Variants in TSC22D1 observed in about 807,000 individuals in gnomAD.
The protein encoded by TSC22D1 is TSC22 domain family protein 1.
TSC22D1 carries 9 observed loss-of-function variants against 74.2 expected under a neutral mutation model. The observed-to-expected ratio is 0.12, with a 90% CI of 0.07 to 0.21. The LOEUF is 0.21. Among genes scored for constraint, TSC22D1 ranks in the 10% least tolerant of loss-of-function variants. The probability of loss-of-function intolerance (pLI) is 1.00; values close to 1 mark genes in which losing one functional copy is unlikely to be tolerated. For synonymous variants in TSC22D1, 586 were observed against 492.5 expected (o/e 1.19, Z -2.51); for missense variants, 1,427 against 1,304.7 (o/e 1.09, Z -1.44).
intron 1 of TSC22D1, among the ~76,000 whole-genome samples, chr13:44,566,591 TAGTAC>T (rs1883389138): frequency 6.6e-6 from 1 of 152,190 alleles, no homozygotes; most frequent in Non-Finnish European, 1.5e-5. Flanking sequence ...TTACATTTAA[TAGTAC>T]AGTATTCTAC....
intron 1 of TSC22D1, among the ~76,000 whole-genome samples, chr13:44,512,255 C>T (rs1379863493): frequency 6.6e-6 from 1 of 152,018 alleles, no homozygotes; most frequent in Non-Finnish European, 1.5e-5. Flanking sequence ...CTGCAAGCTC[C>T]GCCTCCCAGG....
At chr13:44,475,448 G>A (rs1183714636) in intron 1 of TSC22D1, among the ~76,000 whole-genome samples, 2 of 135,962 alleles carry the variant, frequency 1.5e-5, no homozygotes. Context: ...AGGAGAGGGA[G>A]GTAAAACAAA....
At chr13:44,474,392 G>T in intron 1 of TSC22D1, 1 of 297,254 alleles carries the variant, frequency 3.4e-6, no homozygotes, top group Non-Finnish European at 5.0e-6. Context: ...TAAAGGGGCA[G>T]TGGTCCAATT....
intron 1 of TSC22D1, among the ~76,000 whole-genome samples, chr13:44,441,634 A>C (rs901697091): frequency 6.6e-6 from 1 of 152,214 alleles, no homozygotes; most frequent in Non-Finnish European, 1.5e-5. Flanking sequence ...GGAGGTAAAA[A>C]TGAGAAAAAA....
At chr13:44,543,099 T>C (rs1256695321) in intron 1 of TSC22D1, among the ~76,000 whole-genome samples, 1 of 152,156 alleles carries the variant, frequency 6.6e-6, no homozygotes, top group African/African-American at 2.4e-5. Context: ...TTTCTGTAAA[T>C]AATGAAATTT....
chr13:44,549,869 T>C (rs1488970375), intron 1 of TSC22D1, among the ~76,000 whole-genome samples: 2 of 151,732 alleles, frequency 1.3e-5, no homozygotes, highest in Admixed American at 6.6e-5. Flanking sequence ...ATCTGGTAGT[T>C]GATTTCTATA....
At chr13:44,537,753 ATACTT>A (rs1881238413) in intron 1 of TSC22D1, 3 of 980,796 alleles carry the variant, frequency 3.1e-6, no homozygotes, top group Non-Finnish European at 3.6e-6. Context: ...TTTAAATACT[ATACTT>A]AACAAAAATT....
intron 1 of TSC22D1, among the ~76,000 whole-genome samples, chr13:44,555,139 A>G (rs1882546765): frequency 6.6e-6 from 1 of 152,038 alleles, no homozygotes; most frequent in African/African-American, 2.4e-5. Flanking sequence ...AAAAAATCCA[A>G]AGTTGATCTT....
chr13:44,520,337 T>C (rs967512247), intron 1 of TSC22D1, among the ~76,000 whole-genome samples: 7 of 152,200 alleles, frequency 4.6e-5, no homozygotes, highest in African/African-American at 1.7e-4. Flanking sequence ...CTGTTTCAAA[T>C]GCTGCTGAGG....
chr13:44,550,165 G>A (rs548218047), intron 1 of TSC22D1, among the ~76,000 whole-genome samples: 1 of 152,180 alleles, frequency 6.6e-6, no homozygotes, highest in Non-Finnish European at 1.5e-5. Flanking sequence ...AAAGTATGTG[G>A]AGTCTAGTTA....
At chr13:44,448,561 T>A (rs1875870308) in intron 1 of TSC22D1, among the ~76,000 whole-genome samples, 1 of 152,210 alleles carries the variant, frequency 6.6e-6, no homozygotes, top group Non-Finnish European at 1.5e-5. Context: ...CAAAGTTGAC[T>A]CTGTGTGCTG....
intron 1 of TSC22D1, chr13:44,538,258 A>G: frequency 1.0e-6 from 1 of 985,360 alleles, no homozygotes; most frequent in Non-Finnish European, 1.2e-6. Flanking sequence ...CTCAAAAGAT[A>G]TTTCTTCTAC....
At chr13:44,499,533 T>C (rs1478468109) in intron 1 of TSC22D1, among the ~76,000 whole-genome samples, 1 of 152,210 alleles carries the variant, frequency 6.6e-6, no homozygotes, top group African/African-American at 2.4e-5. Context: ...ACAACATCTA[T>C]AGATTTCAAA....
chr13:44,532,945 G>A (rs56296224), intron 1 of TSC22D1, among the ~76,000 whole-genome samples: 15,792 of 152,072 alleles, frequency 0.1, 893 homozygotes, highest in Non-Finnish European at 0.12. Flanking sequence ...CTCAAACTAG[G>A]ATCAACAAGC....
chr13:44,521,567 G>C (rs1373386847), intron 1 of TSC22D1, among the ~76,000 whole-genome samples: 1 of 151,986 alleles, frequency 6.6e-6, no homozygotes, highest in Admixed American at 6.6e-5. Flanking sequence ...TGGTATAAAG[G>C]GGGTATATGT....
At chr13:44,443,606 C>G (rs755015176) in intron 1 of TSC22D1, among the ~76,000 whole-genome samples, 1 of 152,186 alleles carries the variant, frequency 6.6e-6, no homozygotes, top group Non-Finnish European at 1.5e-5. Flanking sequence ...CCCAGCTTCT[C>G]AAAAGGCTGA....
At chr13:44,499,302 T>A (rs1013861936) in intron 1 of TSC22D1, among the ~76,000 whole-genome samples, 1 of 152,226 alleles carries the variant, frequency 6.6e-6, no homozygotes, top group Non-Finnish European at 1.5e-5. Flanking sequence ...ACTTGATATC[T>A]GAGAATGTTT....
At position 44,574,003 on chromosome 13, in the gene TSC22D1, C is replaced by T. The variant is rs1883988735; in HGVS notation, c.2072G>A (p.Gly691Asp). ...TTVIPVAQPQ[G>D]IQLPVQPTAV... ...TGTGGGCTGCACTGGCAGCTGGATA[C>T]CCTGTGGCTGAGCCACAGGAATCAC... The change falls in exon 1 of 3, where the codon GGT (glycine) becomes GAT (aspartate). Residue 691 changes from glycine (G) to aspartate (D), a missense_variant. Coordinates refer to ENST00000458659, the MANE Select transcript of TSC22D1 (RefSeq NM_183422.4). 1 of 1,613,814 alleles carries T rather than the reference C, an allele frequency of 6.2e-7. No homozygotes were observed. Among genetic ancestry groups the T allele is most frequent in the African/African-American group, 1.3e-5 (1 of 74,946 alleles).
intron 1 of TSC22D1, among the ~76,000 whole-genome samples, chr13:44,447,643 AAC>A (rs1875789796): frequency 6.6e-6 from 1 of 152,026 alleles, no homozygotes; most frequent in Non-Finnish European, 1.5e-5. Flanking sequence ...ACCTATATAT[AAC>A]ACATGTATTT....
Sources: gnomAD v4.1 joint callset for allele counts (sites outside exome capture counted in the v4.1 genomes callset) on GRCh38, gnomAD v4.1.1 for gene constraint, MANE v1.5 for transcripts, NCBI Gene and HGNC (gene_info 2026-07-23, HGNC 2026-07-21) for gene names.